The following ZNF420 variants were observed in gnomAD, a reference collection of about 807,000 sequenced individuals.
ZNF420 encodes zinc finger protein 420.
A neutral mutation model predicts 44.7 loss-of-function variants in ZNF420; 31 were observed. The observed-to-expected ratio is 0.69, with a 90% CI of 0.52 to 0.94. The LOEUF is 0.94. ZNF420 is among the 40% of genes least tolerant of loss of function. The pLI is 0.00. For synonymous variants in ZNF420, 245 were observed against 267.4 expected (o/e 0.92, Z 0.82); for missense variants, 681 against 827.9 (o/e 0.82, Z 2.18).
intron 4 of ZNF420, among the ~76,000 whole-genome samples, chr19:37,124,163 T>A (rs1304123030): frequency 1.3e-5 from 2 of 152,228 alleles, no homozygotes; most frequent in Non-Finnish European, 2.9e-5. Flanking sequence ...TTTTGCTTTG[T>A]CAAGAATGTC....
chr19:37,099,376 A>G (rs192894351), intron 4 of ZNF420, among the ~76,000 whole-genome samples: 1 of 152,022 alleles, frequency 6.6e-6, no homozygotes, highest in Non-Finnish European at 1.5e-5. Flanking sequence ...AGCCATTCTA[A>G]CAGCAGTGAG....
intron 1 of ZNF420, among the ~76,000 whole-genome samples, chr19:37,044,977 C>G (rs1464253830): frequency 6.6e-6 from 1 of 152,130 alleles, no homozygotes; most frequent in Non-Finnish European, 1.5e-5. Context: ...AGATGGCACA[C>G]CAAAATGGGG....
chr19:37,091,214 G>T, intron 4 of ZNF420, 93 bp downstream of exon 4: 1 of 1,264,550 alleles, frequency 7.9e-7, no homozygotes, highest in Non-Finnish European at 1.1e-6. Context: ...GTAATTAACT[G>T]AATTTCTTAT....
At chr19:37,086,268 C>T (rs1273166662) in intron 2 of ZNF420, among the ~76,000 whole-genome samples, 1 of 152,122 alleles carries the variant, frequency 6.6e-6, no homozygotes, top group East Asian at 1.9e-4. Flanking sequence ...CTGACCCTCT[C>T]TGACCCTCTC....
chr19:37,010,973 T>G (rs2074564906), intron 1 of ZNF420, among the ~76,000 whole-genome samples: 2 of 152,238 alleles, frequency 1.3e-5, no homozygotes, highest in South Asian at 4.1e-4. Context: ...TTCAAGAAGC[T>G]GGGAATGGGA....
chr19:37,054,211 C>G (rs1278378370), intron 1 of ZNF420, among the ~76,000 whole-genome samples: 1 of 152,224 alleles, frequency 6.6e-6, no homozygotes, highest in Non-Finnish European at 1.5e-5. Flanking sequence ...GTTGGAAAAG[C>G]TCAGTATTAG....
chr19:37,052,422 T>A (rs1967655709), intron 1 of ZNF420, among the ~76,000 whole-genome samples: 1 of 152,126 alleles, frequency 6.6e-6, no homozygotes, highest in Non-Finnish European at 1.5e-5. Context: ...AGCTGGTTAT[T>A]TTGCTCGTTA....
chr19:37,013,959 G>A (rs2074590945), intron 1 of ZNF420, among the ~76,000 whole-genome samples: 1 of 152,196 alleles, frequency 6.6e-6, no homozygotes, highest in Non-Finnish European at 1.5e-5. Context: ...GAGACTGACA[G>A]TGATGTCCTG....
intron 1 of ZNF420, among the ~76,000 whole-genome samples, chr19:37,071,750 G>A (rs528447308): frequency 3.3e-5 from 5 of 152,200 alleles, no homozygotes; most frequent in African/African-American, 9.6e-5. Flanking sequence ...GCAGTGAGCT[G>A]AGATCCTGCC....
chr19:37,036,467 C>T (rs369433786), intron 1 of ZNF420, among the ~76,000 whole-genome samples: 5 of 152,118 alleles, frequency 3.3e-5, no homozygotes, highest in African/African-American at 9.7e-5. Context: ...TCCTGCCCCC[C>T]GTTCATTCAG....
intron 2 of ZNF420, among the ~76,000 whole-genome samples, chr19:37,084,927 A>C (rs554485331): frequency 6.6e-6 from 1 of 152,274 alleles, no homozygotes; most frequent in Non-Finnish European, 1.5e-5. Flanking sequence ...ATCTTTTGAA[A>C]GAATTGATTT....
At chr19:37,075,480 C>T (rs1188675465), upstream of ZNF420, among the ~76,000 whole-genome samples, 5 of 152,210 alleles carry the variant, frequency 3.3e-5, no homozygotes, top group East Asian at 1.9e-4. Context: ...CGGTAGCTCA[C>T]GTCTGTCATC....
chr19:37,103,961 TCTC>T (rs1456300718), intron 4 of ZNF420, among the ~76,000 whole-genome samples: 1 of 144,062 alleles, frequency 6.9e-6, no homozygotes, highest in Non-Finnish European at 1.5e-5. Flanking sequence ...CTCCAGCTCT[TCTC>T]TCATTTTTTT....
chr19:37,099,147 A>G (rs1194205365), intron 4 of ZNF420, among the ~76,000 whole-genome samples: 1 of 152,202 alleles, frequency 6.6e-6, no homozygotes, highest in Non-Finnish European at 1.5e-5. Context: ...AAACATGGGA[A>G]TGCAGATGCC....
At chr19:37,043,654 G>A (rs1967497134) in intron 1 of ZNF420, among the ~76,000 whole-genome samples, 1 of 152,100 alleles carries the variant, frequency 6.6e-6, no homozygotes, top group Non-Finnish European at 1.5e-5. Context: ...TGTATGTTTA[G>A]TAGAGACAGG....
At chr19:37,087,298 TA>T (rs1310130432) in intron 2 of ZNF420, among the ~76,000 whole-genome samples, 35 of 106,454 alleles carry the variant, frequency 3.3e-4, no homozygotes, top group Admixed American at 7.4e-4. Flanking sequence ...AAAAAATAAA[TA>T]AATAAATAAA....
chr19:37,014,892 G>A (rs1049013965), intron 1 of ZNF420, among the ~76,000 whole-genome samples: 1 of 152,154 alleles, frequency 6.6e-6, no homozygotes, highest in East Asian at 1.9e-4. Flanking sequence ...CTGAAGAAAC[G>A]TCAAGCAGGG....
intron 1 of ZNF420, among the ~76,000 whole-genome samples, chr19:37,062,972 A>C (rs1967902722): frequency 6.6e-6 from 1 of 152,248 alleles, no homozygotes; most frequent in Admixed American, 6.5e-5. Flanking sequence ...ACCAATATGT[A>C]CAAGCATGAC....
At chr19:37,096,422 A>G (rs1969458878) in intron 4 of ZNF420, among the ~76,000 whole-genome samples, 1 of 152,194 alleles carries the variant, frequency 6.6e-6, no homozygotes, top group Non-Finnish European at 1.5e-5. Flanking sequence ...TTGAGAGTCC[A>G]GGCCAAGACT....
Sources: allele counts gnomAD v4.1 joint callset (sites outside exome capture counted in the v4.1 genomes callset), GRCh38; gene constraint gnomAD v4.1.1; transcripts MANE v1.5; gene names NCBI Gene and HGNC (gene_info 2026-07-23, HGNC 2026-07-21).